PACRG: variants seen among roughly 807,000 people sequenced by gnomAD.
The protein encoded by PACRG is parkin coregulated gene protein.
In PACRG, 29 loss-of-function variants were observed where a neutral mutation model predicts 29.7. That is an observed-to-expected ratio of 0.98 (90% CI 0.73 to 1.33). The LOEUF (loss-of-function observed/expected upper bound fraction) is 1.33. Ranked by LOEUF, PACRG falls within the 40% of genes most tolerant of loss-of-function variation. PACRG has a pLI of 0.00. For synonymous variants in PACRG, 116 were observed against 118.7 expected, an observed-to-expected ratio of 0.98 and a Z score of 0.15; for missense variants, 279 against 316.2, an observed-to-expected ratio of 0.88 and a Z score of 0.89.
chr6:162,910,731 G>C (rs1796245182), intron 2 of PACRG, among the ~76,000 whole-genome samples: 1 of 152,174 alleles, frequency 6.6e-6, no homozygotes, highest in South Asian at 2.1e-4. Flanking sequence ...CCATTCTTGT[G>C]TGTCAGATTA....
chr6:163,035,615 C>A (rs1399231831), intron 2 of PACRG, among the ~76,000 whole-genome samples: 1 of 151,680 alleles, frequency 6.6e-6, no homozygotes, highest in Non-Finnish European at 1.5e-5. Flanking sequence ...CACTGCACTC[C>A]AGCCTGGGCG....
At chr6:162,778,076 G>C (rs566129217) in intron 1 of PACRG, among the ~76,000 whole-genome samples, 63 of 152,314 alleles carry the variant, frequency 4.1e-4, no homozygotes, top group South Asian at 4.1e-4. Context: ...AACTGCAGGT[G>C]AATAGTGTCA....
At chr6:163,177,865 C>T (rs750660445) in intron 4 of PACRG, among the ~76,000 whole-genome samples, 2 of 151,912 alleles carry the variant, frequency 1.3e-5, no homozygotes, top group Non-Finnish European at 2.9e-5. Flanking sequence ...ACACGCTTCC[C>T]TCCATGCACC....
At chr6:163,060,807 AG>A (rs1393372131) in intron 2 of PACRG, 2 of 152,168 alleles carry the variant, frequency 1.3e-5, no homozygotes, top group African/African-American at 4.8e-5. Context: ...AGGGGTAGGC[AG>A]GCATGTGGCG....
At position 162,929,826 on chromosome 6, in the gene PACRG, TAAAG is replaced by T. The variant is rs551735753; in HGVS notation, c.291+115547_291+115550del. 1.1e-4 allele frequency among the ~76,000 whole-genome samples: 17 copies of T among 152,166 alleles called. No individual in the cohort carries two copies. The East Asian group carries it at 3.3e-3, about 29-fold the overall frequency. On this transcript the variant is annotated intron_variant, in intron 2 of 4. Coordinates refer to ENST00000366888, the MANE Select transcript of PACRG (RefSeq NM_001080379.2). The stretch of plus-strand genomic sequence containing the variant: ...GTCCAGTTTTCCTAGTACCATGTAT[TAAAG>T]AGAGTGTTCTTTTCCCATTGTATGT...
intron 4 of PACRG, among the ~76,000 whole-genome samples, chr6:163,191,382 C>T (rs1780203188): frequency 6.6e-6 from 1 of 152,134 alleles, no homozygotes; most frequent in Non-Finnish European, 1.5e-5. Flanking sequence ...TCTTCCCTTT[C>T]TCTGACCCCC....
At chr6:163,267,436 T>A (rs1464132450) in intron 4 of PACRG, among the ~76,000 whole-genome samples, 2 of 152,228 alleles carry the variant, frequency 1.3e-5, no homozygotes, top group African/African-American at 2.4e-5. Context: ...TTTTCTAAAG[T>A]ACTTTTAAGA....
intron 4 of PACRG, among the ~76,000 whole-genome samples, chr6:163,200,348 G>A (rs1443861972): frequency 6.6e-6 from 1 of 152,014 alleles, no homozygotes; most frequent in African/African-American, 2.4e-5. Flanking sequence ...ACCCAGTGTG[G>A]GCTTATATAT....
rs931675649 is a variant in PACRG, at chr6:163,161,660, G to A, written c.613+72252G>A. 2.0e-5 allele frequency among the ~76,000 whole-genome samples: 3 copies of A among 152,178 alleles called. No homozygotes were observed. The South Asian group carries it at 6.2e-4, about 32-fold the overall frequency. On this transcript the variant is annotated intron_variant, in intron 4 of 4. Coordinates refer to ENST00000366888, the MANE Select transcript of PACRG (RefSeq NM_001080379.2). ...AATGTGCATGTTTCATTTCGAAAGAGATCAACCCTGACCCCCTCCAATCCT... is the reference window on the plus strand; with the variant it reads ...AATGTGCATGTTTCATTTCGAAAGAAATCAACCCTGACCCCCTCCAATCCT...
intron 4 of PACRG, among the ~76,000 whole-genome samples, chr6:163,167,168 T>C (rs1185273565): frequency 6.6e-6 from 1 of 152,256 alleles, no homozygotes; most frequent in South Asian, 2.1e-4. Context: ...CACAAAGTTA[T>C]ATCCATTATG....
Position 162,853,172 on chromosome 6 carries a change from A to T in PACRG, c.291+38891A>T, listed in dbSNP as rs1240200026. Among the ~76,000 whole-genome samples, 1 of 152,220 alleles carries T rather than the reference A, an allele frequency of 6.6e-6. No homozygotes were observed. The highest frequency in any genetic ancestry group is 1.5e-5 in the Non-Finnish European group (1 of 68,038). On this transcript the variant is annotated intron_variant, in intron 2 of 4. Coordinates refer to ENST00000366888, the MANE Select transcript of PACRG (RefSeq NM_001080379.2). This position sits in a 1 kb window ranked among gnomAD's most constrained non-coding sequence, Gnocchi z 4.7. Reference sequence around the variant, plus strand: ...CTGAGCAGATCATCACTTTCAGAAAAGAGTACACTGAACGTTTAAAATCTG... The same window carrying T: ...CTGAGCAGATCATCACTTTCAGAAATGAGTACACTGAACGTTTAAAATCTG...
intron 4 of PACRG, among the ~76,000 whole-genome samples, chr6:163,269,841 GAAAGAA>G (rs1783680743): frequency 5.8e-4 from 38 of 65,248 alleles, no homozygotes; most frequent in African/African-American, 7.8e-4. Context: ...GAAAGAAAAA[GAAAGAA>G]AGAAAGAAAG....
At chr6:163,159,687 C>T (rs1778471875) in intron 4 of PACRG, among the ~76,000 whole-genome samples, 1 of 152,158 alleles carries the variant, frequency 6.6e-6, no homozygotes, top group South Asian at 2.1e-4. Context: ...ATTACTTGTC[C>T]TTTCTAGGTT....
At chr6:162,910,902 C>T (rs913115487) in intron 2 of PACRG, among the ~76,000 whole-genome samples, 3 of 152,094 alleles carry the variant, frequency 2.0e-5, no homozygotes, top group Admixed American at 6.6e-5. Flanking sequence ...TCTCACCTTC[C>T]GGCTCTCCAC....
intron 2 of PACRG, among the ~76,000 whole-genome samples, chr6:162,958,665 T>C (rs1800255708): frequency 6.6e-6 from 1 of 151,272 alleles, no homozygotes; most frequent in Non-Finnish European, 1.5e-5. Context: ...TCAAAACACT[T>C]AGGATCCTTT....
At chr6:163,022,449 T>C (rs1241862614) in intron 2 of PACRG, among the ~76,000 whole-genome samples, 1 of 151,892 alleles carries the variant, frequency 6.6e-6, no homozygotes, top group East Asian at 1.9e-4. Context: ...AGGGTGAGAG[T>C]CCAAGGATTC....
chr6:162,765,423 A>C (rs537157236), intron 1 of PACRG, among the ~76,000 whole-genome samples: 18 of 152,000 alleles, frequency 1.2e-4, no homozygotes, highest in Non-Finnish European at 2.1e-4. Context: ...CAGGTCCATA[A>C]AACTGTGGGA....
At chr6:162,745,870 A>G (rs13206253) in intron 1 of PACRG, among the ~76,000 whole-genome samples, 24,160 of 152,098 alleles carry the variant, frequency 0.16, 2,601 homozygotes, top group African/African-American at 0.3. Flanking sequence ...TTAAGATATT[A>G]TTATTCATGA....
chr6:163,031,474 A>C (rs1452078130), intron 2 of PACRG, among the ~76,000 whole-genome samples: 1 of 152,218 alleles, frequency 6.6e-6, no homozygotes, highest in Non-Finnish European at 1.5e-5. Context: ...AAACAAACTT[A>C]AAAACAACTG....
Sources: gnomAD v4.1 joint callset for allele counts (sites outside exome capture counted in the v4.1 genomes callset) on GRCh38, gnomAD v4.1.1 for gene constraint, Gnocchi (gnomAD v3.1) non-coding constraint, MANE v1.5 for transcripts, NCBI Gene and HGNC (gene_info 2026-07-23, HGNC 2026-07-21) for gene names.